Variants in KCNT2 observed in about 807,000 individuals in gnomAD.
KCNT2 encodes potassium sodium-activated channel subfamily T member 2.
KCNT2 carries 67 observed loss-of-function variants against 153.8 expected under a neutral mutation model. The ratio of observed to expected loss-of-function variants is 0.44; its 90% CI spans 0.36 to 0.53. KCNT2 has a LOEUF of 0.53. Among genes scored for constraint, KCNT2 ranks in the 20% least tolerant of loss-of-function variants. The probability of loss-of-function intolerance (pLI) is 0.00; values close to 1 mark genes in which losing one functional copy is unlikely to be tolerated. For missense variants in KCNT2, 975 were observed against 1,354.8 expected, an observed-to-expected ratio of 0.72 and a Z score of 4.40; for synonymous variants, 500 against 458.8, an observed-to-expected ratio of 1.09 and a Z score of -1.15.
In KCNT2 at chr1:196,227,416, T is replaced by C. The variant is rs926407360; in HGVS notation, c.*808A>G. The stretch of plus-strand genomic sequence containing the variant: ...GATATCCAGTTAATTTTTCAATCCT[T>C]GAATTAAATTTAAGTCAACAAATGT... On this transcript the variant is annotated 3_prime_UTR_variant, in exon 28 of 28. Coordinates refer to ENST00000294725, the MANE Select transcript of KCNT2 (RefSeq NM_198503.5). 6.6e-6 allele frequency: 1 copy of C among 152,082 alleles called. No individual in the cohort carries two copies. The highest frequency in any genetic ancestry group is 2.4e-5 in the African/African-American group (1 of 41,458). The allele number at this position is 152,082 out of a possible 1,614,324, so 9.4% of individuals were successfully genotyped here.
At chr1:196,456,235 G>GT (rs1462584205) in intron 8 of KCNT2, among the ~76,000 whole-genome samples, 6 of 151,490 alleles carry the variant, frequency 4.0e-5, no homozygotes, top group South Asian at 2.1e-4. Context: ...AAGTTTTCAT[G>GT]TTTTTTTCTA....
intron 26 of KCNT2, among the ~76,000 whole-genome samples, chr1:196,253,206 C>T (rs998992775): frequency 4.6e-5 from 7 of 151,066 alleles, no homozygotes; most frequent in Admixed American, 1.3e-4. Flanking sequence ...TGATATTGTC[C>T]CACTGGTAAC....
At chr1:196,474,564 T>C (rs1025849516) in intron 5 of KCNT2, among the ~76,000 whole-genome samples, 1 of 152,202 alleles carries the variant, frequency 6.6e-6, no homozygotes, top group Non-Finnish European at 1.5e-5. Context: ...TGTTAAACTT[T>C]CAAAATTGTT....
At chr1:196,263,722 C>A (rs1368217517) in intron 25 of KCNT2, among the ~76,000 whole-genome samples, 1 of 151,978 alleles carries the variant, frequency 6.6e-6, no homozygotes, top group African/African-American at 2.4e-5. Context: ...TTAAATAACC[C>A]ACAAATTCAT....
chr1:196,333,404 CTG>C (rs2148114637), intron 17 of KCNT2, among the ~76,000 whole-genome samples: 1 of 152,126 alleles, frequency 6.6e-6, no homozygotes, highest in South Asian at 2.1e-4. Context: ...GTGCTGAACA[CTG>C]AGATAAGTAA....
chr1:196,424,288 A>G (rs1216908300), intron 11 of KCNT2, among the ~76,000 whole-genome samples: 1 of 151,952 alleles, frequency 6.6e-6, no homozygotes, highest in East Asian at 1.9e-4. Flanking sequence ...TTAGATGGAA[A>G]GAAGCCTCCA....
At chr1:196,432,916 A>G (rs1270210581) in intron 8 of KCNT2, among the ~76,000 whole-genome samples, 1 of 152,124 alleles carries the variant, frequency 6.6e-6, no homozygotes, top group African/African-American at 2.4e-5. Flanking sequence ...GCAGAAGGCT[A>G]TGGTGTGAAT....
chr1:196,383,478 G>C (rs1173422765), intron 13 of KCNT2, among the ~76,000 whole-genome samples: 1 of 152,112 alleles, frequency 6.6e-6, no homozygotes, highest in Non-Finnish European at 1.5e-5. Flanking sequence ...CTGGTCTTTG[G>C]ACCACACTTT....
intron 14 of KCNT2, among the ~76,000 whole-genome samples, chr1:196,362,127 G>A (rs890970422): frequency 2.0e-5 from 3 of 151,970 alleles, no homozygotes; most frequent in Non-Finnish European, 4.4e-5. Context: ...TTGTTTGTTT[G>A]TTCTTGCTTT....
chr1:196,550,326 G>A (rs1026026898), intron 1 of KCNT2, among the ~76,000 whole-genome samples: 1 of 151,712 alleles, frequency 6.6e-6, no homozygotes, highest in Non-Finnish European at 1.5e-5. Flanking sequence ...TCAAACATTT[G>A]GATTGTCTAG....
In KCNT2 at chr1:196,602,853, C is replaced by A. The variant is rs900462109; in HGVS notation, c.95+5362G>T. 1.7e-3 allele frequency among the ~76,000 whole-genome samples: 221 copies of A among 133,654 alleles called. 2 individuals are homozygous for A. The highest frequency in any genetic ancestry group is 6.3e-3 in the African/African-American group (213 of 34,022). The allele number at this position is 133,654 out of a possible 152,430, so 87.7% of individuals were successfully genotyped here. ...GGACTGCGGACTGCAGTGGCGCAAT[C>A]TCGGCTCACTGCAAGCTCCGCCTCC... On this transcript the variant is annotated intron_variant, in intron 1 of 27. Transcript: ENST00000294725.
At chr1:196,264,882 C>G (rs1422294904) in intron 25 of KCNT2, among the ~76,000 whole-genome samples, 1 of 152,156 alleles carries the variant, frequency 6.6e-6, no homozygotes, top group Non-Finnish European at 1.5e-5. Context: ...CCTCCCATGT[C>G]AACCTCTCAA....
intron 5 of KCNT2, among the ~76,000 whole-genome samples, chr1:196,470,694 G>A (rs1678014638): frequency 6.6e-6 from 1 of 152,104 alleles, no homozygotes; most frequent in Non-Finnish European, 1.5e-5. Flanking sequence ...GAAACTGACT[G>A]CACTTCATTC....
intron 8 of KCNT2, among the ~76,000 whole-genome samples, chr1:196,447,674 A>G (rs1675810971): frequency 6.6e-6 from 1 of 151,654 alleles, no homozygotes; most frequent in South Asian, 2.1e-4. Flanking sequence ...GTGTGAAGAA[A>G]GGGGAGGAGT....
chr1:196,454,129 C>T (rs1477212760), intron 8 of KCNT2, among the ~76,000 whole-genome samples: 1 of 151,912 alleles, frequency 6.6e-6, no homozygotes, highest in African/African-American at 2.4e-5. Flanking sequence ...GCTTTTCTCT[C>T]TGATGTCTAT....
chr1:196,551,133 T>C (rs1306738509), intron 1 of KCNT2, among the ~76,000 whole-genome samples: 1 of 151,812 alleles, frequency 6.6e-6, no homozygotes, highest in Non-Finnish European at 1.5e-5. Context: ...GGCTCCTCTA[T>C]GCCTACCACT....
At chr1:196,439,719 T>C (rs1380732708) in intron 8 of KCNT2, among the ~76,000 whole-genome samples, 2 of 152,012 alleles carry the variant, frequency 1.3e-5, no homozygotes, top group Non-Finnish European at 2.9e-5. Flanking sequence ...TTTATTAATA[T>C]ATACCTGTAG....
rs1327505758 is a variant in KCNT2, at chr1:196,465,307, G to A, written c.624C>T (p.Cys208=). Reference sequence around the variant, plus strand: ...TACAATCTTACCAGGTGAAGATAAGGCATAGTAATGTAGATATTAAAATCA... The same window carrying A: ...TACAATCTTACCAGGTGAAGATAAGACATAGTAATGTAGATATTAAAATCA... ...QVLILISTLL[C]LIFTCICGIQ... Residue 208 remains cysteine, a synonymous_variant, in exon 8 of 28, where the codon TGC becomes TGT. Coordinates refer to ENST00000294725, the MANE Select transcript of KCNT2 (RefSeq NM_198503.5). 6.4e-7 allele frequency: 1 copy of A among 1,564,828 alleles called. No individual in the cohort carries two copies. The highest frequency in any genetic ancestry group is 1.1e-5 in the South Asian group (1 of 89,880).
intron 25 of KCNT2, among the ~76,000 whole-genome samples, chr1:196,269,016 C>T (rs2477353): frequency 0.99 from 151,014 of 152,214 alleles, 74,924 homozygotes; most frequent in Middle Eastern, 1. Context: ...AATACATGTC[C>T]CATCCACTTA....
Sources: allele counts gnomAD v4.1 joint callset (sites outside exome capture counted in the v4.1 genomes callset), GRCh38; gene constraint gnomAD v4.1.1; transcripts MANE v1.5; gene names NCBI Gene and HGNC (gene_info 2026-07-23, HGNC 2026-07-21).